The following ZNF705G variants were observed in gnomAD, a reference collection of about 807,000 sequenced individuals.
ZNF705G encodes the protein zinc finger protein 705G, also known as putative zinc finger protein 705G.
In ZNF705G, 23 loss-of-function variants were observed where a neutral mutation model predicts 19.6. The ratio of observed to expected loss-of-function variants is 1.17; its 90% confidence interval spans 0.84 to 1.66. ZNF705G has a LOEUF of 1.66. ZNF705G is among the 40% of genes most tolerant of loss of function. The probability of loss-of-function intolerance (pLI) is 0.00; values close to 1 mark genes in which losing one functional copy is unlikely to be tolerated. For missense variants in ZNF705G, 457 were observed against 354.4 expected (o/e 1.29, Z -2.32); for synonymous variants, 146 against 117.7 (o/e 1.24, Z -1.56).
Position 7,362,993 on chromosome 8 carries a change from C to T in ZNF705G, c.-47G>A. On this transcript the variant is annotated 5_prime_UTR_variant, in exon 3 of 7. Transcript: ENST00000400156. ...CTGTCTTCCTCTGGATTTCCACTTGCAGACACTTTAGGCACTAAGAAAAGC... is the reference window on the plus strand; with the variant it reads ...CTGTCTTCCTCTGGATTTCCACTTGTAGACACTTTAGGCACTAAGAAAAGC... The T allele has an allele frequency of 6.3e-7, 1 of 1,586,842 alleles. No homozygotes were observed. The highest frequency in any genetic ancestry group is 1.4e-5 in the African/African-American group (1 of 69,594).
rs759894366 is a variant in ZNF705G, at chr8:7,365,759, C to T, written c.-71-2742G>A. On this transcript the variant is annotated intron_variant, in intron 2 of 6. Coordinates refer to ENST00000400156, the MANE Select transcript of ZNF705G (RefSeq NM_001164457.3). ...AAGGACACCCGTAAAAATTAAGAGG[C>T]CGACTTGTGACTTCCTAGCCCTTTC... is the stretch of plus-strand genomic sequence containing the variant. 1.3e-4 allele frequency among the ~76,000 whole-genome samples: 19 copies of T among 149,500 alleles called. 1 individual carries two copies. Among genetic ancestry groups the T allele is most frequent in the Non-Finnish European group, 1.9e-4 (13 of 68,014 alleles).
rs1255880555 is a variant in ZNF705G, at chr8:7,374,284, C to T, written c.-72+7168G>A. Among the ~76,000 whole-genome samples, 3 of 43,094 alleles carry T rather than the reference C, an allele frequency of 7.0e-5. 1 individual carries two copies. The highest frequency in any genetic ancestry group is 1.2e-4 in the Non-Finnish European group (3 of 25,236). The allele number at this position is 43,094 out of a possible 152,430, so 28.3% of individuals were successfully genotyped here. ...ATCTCACTAGTACTTGTTAAATAGT[C>T]ATCCTGGCTAAATACATGGGTTTGA... On this transcript the variant is annotated intron_variant, in intron 2 of 6. Transcript: ENST00000400156.
chr8:7,361,548 T>A (rs1166443915), intron 3 of ZNF705G, among the ~76,000 whole-genome samples: 1 of 149,712 alleles, frequency 6.7e-6, no homozygotes, highest in Non-Finnish European at 1.5e-5. Flanking sequence ...ACTTGAACAT[T>A]CATAAATAAA....
chr8:7,379,070 G>A (rs1180371937), intron 2 of ZNF705G, among the ~76,000 whole-genome samples: 1 of 150,760 alleles, frequency 6.6e-6, no homozygotes, highest in Non-Finnish European at 1.5e-5. Context: ...TTTGTGTAAA[G>A]TAGTGGGGGG....
In ZNF705G at chr8:7,385,074, T is replaced by C. The variant is rs533992781; in HGVS notation, c.-222+424A>G. ...TCTCTAGTGAGATAAACTAGTTCTG[T>C]GTGTTTGACAGCAATAGAGCTTGAG... On this transcript the variant is annotated intron_variant, in intron 1 of 6. Transcript: ENST00000400156. Among the ~76,000 whole-genome samples the C allele has an allele frequency of 4.2e-4, 62 of 147,598 alleles. 1 individual carries two copies. Among genetic ancestry groups the C allele is most frequent in the African/African-American group, 1.4e-3 (53 of 37,144 alleles).
In ZNF705G at chr8:7,356,518, T is replaced by G. The variant is rs552775636; in HGVS notation, c.*1458A>C. On this transcript the variant is annotated 3_prime_UTR_variant, in exon 7 of 7. Transcript: ENST00000400156. ...TATACAAGGTGTCTTTGATACAGCC[T>G]CCATTTCCCTGCTAAATCTATGCAA... 3 of 149,858 alleles carry G rather than the reference T, an allele frequency of 2.0e-5. No homozygotes were observed. Among genetic ancestry groups the G allele is most frequent in the African/African-American group, 7.7e-5 (3 of 39,208 alleles). The allele number at this position is 149,858 out of a possible 1,614,324, so 9.3% of individuals were successfully genotyped here.
intron 2 of ZNF705G, among the ~76,000 whole-genome samples, chr8:7,364,202 G>A (rs1185284478): frequency 6.7e-6 from 1 of 149,568 alleles, no homozygotes; most frequent in East Asian, 1.9e-4. Flanking sequence ...AGATATATAG[G>A]TGCATATGTT....
rs1806296803 is a variant in ZNF705G, at chr8:7,356,906, TTGCTATTA to T, written c.*1062_*1069del. On this transcript the variant is annotated 3_prime_UTR_variant, in exon 7 of 7. Transcript: ENST00000400156. ...GCACGCAATTTATTCCCTGGTCACT[TTGCTATTA>T]TGCATTTACATGCCACATTTTTATG... 6.7e-6 allele frequency: 1 copy of T among 149,980 alleles called. No homozygotes were observed. The highest frequency in any genetic ancestry group is 1.5e-5 in the Non-Finnish European group (1 of 68,020). 9.3% of individuals were successfully genotyped at this position (149,980 alleles called of 1,614,324 possible).
intron 2 of ZNF705G, among the ~76,000 whole-genome samples, chr8:7,366,297 G>T (rs1000396493): frequency 1.3e-5 from 2 of 149,302 alleles, no homozygotes; most frequent in African/African-American, 5.2e-5. Flanking sequence ...AAAGTGGAAT[G>T]GAATTTAAAA....
chr8:7,378,957 C>G (rs1807364243), intron 2 of ZNF705G, among the ~76,000 whole-genome samples: 1 of 148,890 alleles, frequency 6.7e-6, no homozygotes, highest in Admixed American at 6.6e-5. Flanking sequence ...ATTCTGCCTA[C>G]AACAGCCACT....
At position 7,358,117 on chromosome 8, in the gene ZNF705G, C is replaced by G. The variant is rs1452008366; in HGVS notation, c.762G>C (p.Lys254Asn). The G allele has an allele frequency of 6.2e-7, 1 of 1,607,682 alleles. No homozygotes were observed. Among genetic ancestry groups the G allele is most frequent in the East Asian group, 2.2e-5 (1 of 44,852 alleles). The change falls in exon 7 of 7, where the codon AAG becomes AAC. Residue 254 changes from lysine (K) to asparagine (N), a missense_variant. Lys to Asn is a moderately conservative substitution (Grantham distance 94). Transcript: ENST00000400156. ...QRHERTHLGK[K>N]CYECDKSGKA... ...TCCCACTTTTATCACATTCATAACA[C>G]TTTTTTCCAAGGTGAGTTCTCTCAT...
chr8:7,368,132 C>G (rs1341729237), intron 2 of ZNF705G, among the ~76,000 whole-genome samples: 3 of 149,430 alleles, frequency 2.0e-5, no homozygotes, highest in Non-Finnish European at 4.4e-5. Context: ...CCACTACATT[C>G]CAAGAGACAT....
chr8:7,367,517 TC>T (rs1806911838), intron 2 of ZNF705G, among the ~76,000 whole-genome samples: 1 of 149,336 alleles, frequency 6.7e-6, no homozygotes, highest in Non-Finnish European at 1.5e-5. Context: ...TGCATATAAC[TC>T]CCTAAACACA....
chr8:7,362,510 C>G (rs1260276736), intron 3 of ZNF705G, among the ~76,000 whole-genome samples: 4 of 149,608 alleles, frequency 2.7e-5, no homozygotes, highest in Non-Finnish European at 5.9e-5. Context: ...CTATCGCCTG[C>G]ATTAATCACA....
chr8:7,360,646 A>C (rs1164014398), intron 4 of ZNF705G, among the ~76,000 whole-genome samples: 1 of 149,656 alleles, frequency 6.7e-6, no homozygotes, highest in South Asian at 2.1e-4. Flanking sequence ...ATATCTCTGC[A>C]CAGTGTGTTT....
intron 2 of ZNF705G, among the ~76,000 whole-genome samples, chr8:7,364,486 G>T (rs533070611): frequency 2.7e-5 from 4 of 149,488 alleles, no homozygotes; most frequent in South Asian, 2.1e-4. Context: ...TTTAATAAAT[G>T]ATCAACAGAG....
At chr8:7,364,751 G>A (rs573363862) in intron 2 of ZNF705G, among the ~76,000 whole-genome samples, 2 of 149,142 alleles carry the variant, frequency 1.3e-5, no homozygotes, top group African/African-American at 5.2e-5. Flanking sequence ...TTATTCCTTG[G>A]ACTATTTTCT....
intron 2 of ZNF705G, among the ~76,000 whole-genome samples, chr8:7,369,440 C>A (rs1209029990): frequency 6.7e-6 from 1 of 149,452 alleles, no homozygotes; most frequent in African/African-American, 2.6e-5. Flanking sequence ...AGACAGCCAC[C>A]ATCCTCCAGA....
At chr8:7,368,541 A>G (rs1230237110) in intron 2 of ZNF705G, among the ~76,000 whole-genome samples, 1 of 149,810 alleles carries the variant, frequency 6.7e-6, no homozygotes, top group African/African-American at 2.6e-5. Flanking sequence ...AGGAAGTATT[A>G]TAGGGGTCAT....
Sources: allele counts gnomAD v4.1 joint callset (sites outside exome capture counted in the v4.1 genomes callset), GRCh38; gene constraint gnomAD v4.1.1; transcripts MANE v1.5; gene names NCBI Gene and HGNC (gene_info 2026-07-23, HGNC 2026-07-21).